Variants in LTF observed in about 807,000 individuals in gnomAD.
The protein encoded by LTF is epididymis luminal protein 110.
Under a neutral mutation model 87.2 loss-of-function variants are expected in LTF, and 91 were observed. That is an observed-to-expected ratio of 1.04 (90% confidence interval 0.88 to 1.24). The LOEUF (loss-of-function observed/expected upper bound fraction) is 1.24, where lower values mean the gene tolerates loss of function less well. LTF is among the 50% of genes most tolerant of loss of function. The pLI, the probability that LTF is intolerant of heterozygous loss-of-function variation, is 0.00. For missense variants in LTF, 901 were observed against 904.3 expected, an observed-to-expected ratio of 1.00 and a Z score of 0.05; for synonymous variants, 378 against 356.1, an observed-to-expected ratio of 1.06 and a Z score of -0.69.
chr3:46,437,770 T>C (rs1053766283), intron 16 of LTF, among the ~76,000 whole-genome samples, 170 bp downstream of exon 16: 5 of 152,254 alleles, frequency 3.3e-5, no homozygotes, highest in African/African-American at 1.2e-4. Context: ...TGCTCTATTT[T>C]ATTCTCTAAT....
intron 9 of LTF, 29 bp from the exon 10 acceptor site, chr3:46,447,427 C>T: frequency 6.7e-7 from 1 of 1,497,162 alleles, no homozygotes; most frequent in Non-Finnish European, 9.3e-7. Context: ...TCTCCAGCAC[C>T]ACAGTGAGGC....
Position 46,459,680 on chromosome 3 carries a change from G to T in LTF, c.183C>A (p.Pro61=), listed in dbSNP as rs754654875. Reference sequence around the variant, plus strand: ...CCGCAATGGCCTGGATACACTGGATGGGGGAGTCTCTCTTTATGCAGCTGA... The same window carrying T: ...CCGCAATGGCCTGGATACACTGGATTGGGGAGTCTCTCTTTATGCAGCTGA... ...PPVSCIKRDS[P]IQCIQAIAEN... The change falls in exon 2 of 17, where the codon CCC becomes CCA. Residue 61 remains proline, a synonymous_variant. Transcript: ENST00000231751. 6.4e-7 allele frequency: 1 copy of T among 1,552,332 alleles called. No homozygotes were observed. The highest frequency in any genetic ancestry group is 2.0e-5 in the Admixed American group (1 of 51,146).
chr3:46,482,647 A>G lies in LTF; in HGVS notation c.-320+2339T>C, dbSNP rs1195210509. Among the ~76,000 whole-genome samples the G allele has an allele frequency of 1.8e-4, 18 of 102,678 alleles. 1 individual carries two copies. Among genetic ancestry groups the G allele is most frequent in the South Asian group, 3.9e-4 (1 of 2,558 alleles). 67.4% of individuals were successfully genotyped at this position (102,678 alleles called of 152,430 possible). Reference sequence around the variant, plus strand: ...AAGAAAGAAAGAAAGAAAGAAAGAAAGAAAGAAAGAAAGAAGGAAGGAAGG... The same window carrying G: ...AAGAAAGAAAGAAAGAAAGAAAGAAGGAAAGAAAGAAAGAAGGAAGGAAGG... On this transcript the variant is annotated intron_variant, in intron 1 of 19. Transcript: ENST00000443496.
chr3:46,473,260 C>T (rs1703317860), intron 1 of LTF, among the ~76,000 whole-genome samples: 1 of 152,182 alleles, frequency 6.6e-6, no homozygotes, highest in Non-Finnish European at 1.5e-5. Flanking sequence ...GAACCTCAAT[C>T]TCCTTCCTCC....
chr3:46,460,630 A>T (rs533356760), intron 1 of LTF: 7 of 453,502 alleles, frequency 1.5e-5, no homozygotes, highest in South Asian at 1.1e-4. Context: ...ATGGTGAAAG[A>T]CTGACTGCTT....
upstream of LTF, among the ~76,000 whole-genome samples, chr3:46,466,949 G>T (rs1183877391): frequency 6.6e-6 from 1 of 152,142 alleles, no homozygotes. Flanking sequence ...GCCCTCTTAA[G>T]TATGTTACAG....
At chr3:46,468,853 G>T (rs539306186), upstream of LTF, among the ~76,000 whole-genome samples, 1 of 152,226 alleles carries the variant, frequency 6.6e-6, no homozygotes, top group Non-Finnish European at 1.5e-5. Context: ...ACTGATGGCA[G>T]CTTGATATCA....
chr3:46,456,475 A>C, intron 2 of LTF, 77 bp from the exon 3 acceptor site: 1 of 1,171,760 alleles, frequency 8.5e-7, no homozygotes, highest in Non-Finnish European at 1.3e-6. Flanking sequence ...GGACCTCAAA[A>C]AGTCTCCATG....
intron 5 of LTF, 34 bp from the exon 6 acceptor site, chr3:46,454,394 G>C (rs1270912093): frequency 6.3e-7 from 1 of 1,585,800 alleles, no homozygotes; most frequent in Non-Finnish European, 8.7e-7. Context: ...GGTAAGCACA[G>C]GCAGCCCTCC....
chr3:46,439,191 A>G (rs1702454850), intron 15 of LTF, 105 bp downstream of exon 15: 1 of 1,049,854 alleles, frequency 9.5e-7, no homozygotes. Context: ...CTTCAAGTAG[A>G]GGACTAGAGA....
intron 1 of LTF, among the ~76,000 whole-genome samples, chr3:46,476,297 T>C (rs192936074): frequency 1.1e-3 from 170 of 152,354 alleles, no homozygotes; most frequent in Middle Eastern, 3.4e-3. Flanking sequence ...TAATATGATA[T>C]CTATTTGCTG....
Position 46,448,863 on chromosome 3 carries a change from C to T in LTF, c.1212G>A (p.Leu404=), listed in dbSNP as rs544692884. Residue 404 remains leucine (L), a splice_region_variant and synonymous_variant, in exon 9 of 17, where the codon CTG becomes CTA. Coordinates refer to ENST00000231751, the MANE Select transcript of LTF (RefSeq NM_002343.6). ...STTEDCIALV[L]KGEADAMSLD... ...CCGCCCCTGTGATGGAGCTCCCTAC[C>T]AGCACCAGGGCGATGCAGTCCTCTG... The T allele has an allele frequency of 6.2e-7, 1 of 1,612,314 alleles. No individual in the cohort carries two copies.
chr3:46,469,179 G>C (rs555954668), upstream of LTF, among the ~76,000 whole-genome samples: 1 of 152,332 alleles, frequency 6.6e-6, no homozygotes, highest in East Asian at 1.9e-4. Context: ...TCTAAAAACA[G>C]GTACTCTGAG....
intron 2 of LTF, 99 bp from the exon 3 acceptor site, chr3:46,456,497 C>T (rs1205837786): frequency 1.4e-5 from 12 of 867,110 alleles, no homozygotes; most frequent in African/African-American, 3.4e-5. Flanking sequence ...CTGGAAGGGT[C>T]GTCAAAGGGG....
At chr3:46,437,302 G>T (rs1243040515) in intron 16 of LTF, among the ~76,000 whole-genome samples, 1 of 148,682 alleles carries the variant, frequency 6.7e-6, no homozygotes, top group Non-Finnish European at 1.5e-5. Context: ...GGCATCTATG[G>T]TAACTGTCTA....
intron 13 of LTF, chr3:46,441,699 A>C: frequency 2.0e-6 from 1 of 490,694 alleles, no homozygotes; most frequent in Non-Finnish European, 3.6e-6. Context: ...AAAACCAAGA[A>C]ATCTAAAGAT....
Position 46,448,857 on chromosome 3 carries a change from C to T in LTF, c.1212+6G>A. ...CACCGCCCGCCCCTGTGATGGAGCT[C>T]CCTACCAGCACCAGGGCGATGCAGT... On this transcript the variant is annotated splice_donor_region_variant and intron_variant, in intron 9 of 16. Transcript: ENST00000231751. The T allele has an allele frequency of 6.2e-7, 1 of 1,612,218 alleles. No individual in the cohort carries two copies. Among genetic ancestry groups the T allele is most frequent in the Non-Finnish European group, 8.5e-7 (1 of 1,179,468 alleles).
rs762369355 is a variant in LTF, at chr3:46,456,429, C to G, written c.208-31G>C. ...AGTAAAGAGGCCAGACTGGCTTCAG[C>G]AGAAAACTCACCCAAACCCAGCAAG... is the stretch of plus-strand genomic sequence containing the variant. On this transcript the variant is annotated intron_variant, in intron 2 of 16. Transcript: ENST00000231751. 8.2e-6 allele frequency: 13 copies of G among 1,584,044 alleles called. No individual in the cohort carries two copies. In the African/African-American group the frequency reaches 1.3e-4, roughly 16 times the overall value.
In LTF at chr3:46,446,455, CCA is replaced by C; in HGVS notation, c.1340_1341del (p.Val447GlyfsTer2). On this transcript the variant is annotated frameshift_variant, in exon 11 of 17. Coordinates refer to ENST00000231751, the MANE Select transcript of LTF (RefSeq NM_002343.6). LOFTEE classifies it high-confidence loss of function. The part of the protein sequence containing the change: ...QQSSDPDPNC[V>X]DRPVEGYLAV... ...GCCAACTCACCTTCCACAGGTCTAT[CCA>C]CACAGTTAGGATCAGGGTCACTGCT... 6.2e-7 allele frequency: 1 copy of C among 1,613,830 alleles called. No individual in the cohort carries two copies. The highest frequency in any genetic ancestry group is 8.5e-7 in the Non-Finnish European group (1 of 1,179,852).
Sources: gnomAD v4.1 joint callset for allele counts (sites outside exome capture counted in the v4.1 genomes callset) on GRCh38, gnomAD v4.1.1 for gene constraint, MANE v1.5 for transcripts, NCBI Gene and HGNC (gene_info 2026-07-23, HGNC 2026-07-21) for gene names.